SCLT1: variants seen among roughly 807,000 people sequenced by gnomAD.
SCLT1 encodes sodium channel-associated protein 1.
SCLT1 carries 78 observed loss-of-function variants against 112.8 expected under a neutral mutation model. The ratio of observed to expected loss-of-function variants is 0.69; its 90% CI spans 0.58 to 0.83. The LOEUF is 0.83. Ranked by LOEUF, SCLT1 falls within the 40% of genes least tolerant of loss-of-function variation. The pLI is 0.00. For missense variants in SCLT1, 747 were observed against 770.4 expected, an observed-to-expected ratio of 0.97 and a Z score of 0.36; for synonymous variants, 257 against 254.7, an observed-to-expected ratio of 1.01 and a Z score of -0.09.
intron 5 of SCLT1, among the ~76,000 whole-genome samples, chr4:129,005,924 C>G (rs1037389358): frequency 6.7e-6 from 1 of 149,148 alleles, no homozygotes; most frequent in African/African-American, 2.5e-5. Context: ...GGACAAAAAA[C>G]CAAACACCGC....
chr4:129,007,853 AC>A (rs1208981131), intron 5 of SCLT1, among the ~76,000 whole-genome samples: 1 of 152,172 alleles, frequency 6.6e-6, no homozygotes, highest in African/African-American at 2.4e-5. Context: ...GGAATTAATT[AC>A]ATTTTATTAT....
At chr4:129,053,861 C>T (rs1749091272) in intron 2 of SCLT1, among the ~76,000 whole-genome samples, 1 of 152,008 alleles carries the variant, frequency 6.6e-6, no homozygotes, top group Non-Finnish European at 1.5e-5. Flanking sequence ...ATGGTCTTTA[C>T]AATTTGGTAT....
chr4:129,070,433 G>A (rs991075155), intron 2 of SCLT1, among the ~76,000 whole-genome samples: 17 of 151,536 alleles, frequency 1.1e-4, no homozygotes, highest in Non-Finnish European at 1.9e-4. Flanking sequence ...CTTCAATCTC[G>A]CTGCTTGTTA....
chr4:128,885,751 C>A (rs1243263138), intron 20 of SCLT1, among the ~76,000 whole-genome samples: 1 of 152,162 alleles, frequency 6.6e-6, no homozygotes, highest in African/African-American at 2.4e-5. Flanking sequence ...GGAGACTGTA[C>A]CAACATGTGC....
At chr4:129,007,505 A>G (rs1455569740) in intron 5 of SCLT1, among the ~76,000 whole-genome samples, 1 of 152,128 alleles carries the variant, frequency 6.6e-6, no homozygotes, top group Admixed American at 6.5e-5. Flanking sequence ...TTAATCTGTA[A>G]TCATCTGTTT....
intron 2 of SCLT1, among the ~76,000 whole-genome samples, chr4:129,051,223 C>T (rs1748758580): frequency 6.6e-6 from 1 of 151,632 alleles, no homozygotes; most frequent in Admixed American, 6.6e-5. Flanking sequence ...TTTTTGGTTC[C>T]ACATGAAATT....
At chr4:129,054,482 G>T (rs1244360971) in intron 2 of SCLT1, among the ~76,000 whole-genome samples, 1 of 151,850 alleles carries the variant, frequency 6.6e-6, no homozygotes, top group Non-Finnish European at 1.5e-5. Context: ...TTGTCTCTAT[G>T]CCTTATTTCA....
intron 3 of SCLT1, among the ~76,000 whole-genome samples, chr4:128,877,403 C>T (rs891827929): frequency 6.6e-6 from 1 of 152,064 alleles, no homozygotes; most frequent in African/African-American, 2.4e-5. Context: ...CACACATGGC[C>T]GGGTGCAGTG....
chr4:129,086,875 A>G (rs1161398662), intron 1 of SCLT1, among the ~76,000 whole-genome samples: 1 of 152,108 alleles, frequency 6.6e-6, no homozygotes, highest in Non-Finnish European at 1.5e-5. Context: ...GGGCAACTTG[A>G]ATAGGACTTC....
rs1751506737 is a variant in SCLT1 at position 129,076,817 on chromosome 4, G to A, written c.102+5489C>T. Reference sequence around the variant, plus strand: ...TGTACTTCAGAGAGCAATGCCACTTGAAATACTTTTTACTTATATAGAAAA... The same window carrying A: ...TGTACTTCAGAGAGCAATGCCACTTAAAATACTTTTTACTTATATAGAAAA... On this transcript the variant is annotated intron_variant, in intron 2 of 20. Coordinates refer to ENST00000281142, the MANE Select transcript of SCLT1 (RefSeq NM_144643.4). 2.0e-5 allele frequency among the ~76,000 whole-genome samples: 3 copies of A among 151,958 alleles called. 1 individual carries two copies. The highest frequency in any genetic ancestry group is 1.3e-4 in the Admixed American group (2 of 15,244).
intron 2 of SCLT1, among the ~76,000 whole-genome samples, chr4:129,078,345 T>C (rs546700430): frequency 9.9e-5 from 15 of 152,278 alleles, no homozygotes; most frequent in South Asian, 2.1e-4. Context: ...TTTCCACAGA[T>C]ATGATGCATT....
chr4:128,990,220 A>G (rs1234763738), intron 9 of SCLT1, among the ~76,000 whole-genome samples: 1 of 152,056 alleles, frequency 6.6e-6, no homozygotes, highest in Non-Finnish European at 1.5e-5. Flanking sequence ...TAGGAAACTC[A>G]ATTCAACAAC....
chr4:129,027,835 A>T lies in SCLT1; in HGVS notation c.290+11206T>A, dbSNP rs191268921. Among the ~76,000 whole-genome samples, 1,031 of 152,358 alleles carry T rather than the reference A, an allele frequency of 6.8e-3. 8 individuals carry two copies. Among genetic ancestry groups the T allele is most frequent in the Non-Finnish European group, 0.011 (718 of 68,042 alleles). On this transcript the variant is annotated intron_variant, in intron 5 of 20. Coordinates refer to ENST00000281142, the MANE Select transcript of SCLT1 (RefSeq NM_144643.4). ...ATAAGCAACTCAGCAAAGTCTCAGG[A>T]TACAAAATCAATATACAAAAATCAC...
intron 5 of SCLT1, among the ~76,000 whole-genome samples, chr4:129,028,959 A>C (rs2126139635): frequency 6.6e-6 from 1 of 152,346 alleles, no homozygotes; most frequent in South Asian, 2.1e-4. Context: ...GAGAAATGCA[A>C]ATCAAAACCA....
chr4:128,875,920 A>C (rs1263179394), intron 4 of SCLT1, among the ~76,000 whole-genome samples: 1 of 152,162 alleles, frequency 6.6e-6, no homozygotes, highest in Non-Finnish European at 1.5e-5. Flanking sequence ...TAGGGCAAAA[A>C]AATATTATCT....
intron 18 of SCLT1, among the ~76,000 whole-genome samples, chr4:128,933,017 A>C (rs969570931): frequency 6.6e-6 from 1 of 152,178 alleles, no homozygotes; most frequent in Non-Finnish European, 1.5e-5. Flanking sequence ...CACAATGTCG[A>C]TACTATTCAA....
chr4:129,070,145 G>A (rs1750868257), intron 2 of SCLT1, among the ~76,000 whole-genome samples: 1 of 152,068 alleles, frequency 6.6e-6, no homozygotes, highest in African/African-American at 2.4e-5. Flanking sequence ...CTACGTTGTT[G>A]GATACAGTTA....
intron 5 of SCLT1, among the ~76,000 whole-genome samples, chr4:129,016,177 C>T (rs540544813): frequency 1.3e-5 from 2 of 151,888 alleles, no homozygotes; most frequent in Non-Finnish European, 2.9e-5. Flanking sequence ...TTAGTTTTAT[C>T]TTATTTTAAG....
At chr4:128,933,993 T>C (rs949336918) in intron 18 of SCLT1, among the ~76,000 whole-genome samples, 1 of 152,034 alleles carries the variant, frequency 6.6e-6, no homozygotes, top group African/African-American at 2.4e-5. Flanking sequence ...TTCATCTATG[T>C]AGTTAAGCCA....
Sources: gnomAD v4.1 joint callset for allele counts (sites outside exome capture counted in the v4.1 genomes callset) on GRCh38, gnomAD v4.1.1 for gene constraint, MANE v1.5 for transcripts, NCBI Gene and HGNC (gene_info 2026-07-23, HGNC 2026-07-21) for gene names.